The following RTN1 variants were observed in gnomAD, a reference collection of about 807,000 sequenced individuals.
RTN1 encodes reticulon-1.
Under a neutral mutation model 65.5 loss-of-function variants are expected in RTN1, and 25 were observed. The observed-to-expected ratio is 0.38, with a 90% CI of 0.28 to 0.53. The LOEUF is 0.53. Ranked by LOEUF, RTN1 falls within the 20% of genes least tolerant of loss-of-function variation. RTN1 has a pLI of 0.79. For missense variants in RTN1, 983 were observed against 1,025.4 expected (o/e 0.96, Z 0.57); for synonymous variants, 471 against 447.6 (o/e 1.05, Z -0.66).
At chr14:59,676,721 T>A (rs369783244) in intron 3 of RTN1, among the ~76,000 whole-genome samples, 38 of 152,188 alleles carry the variant, frequency 2.5e-4, no homozygotes, top group African/African-American at 8.7e-4. Context: ...TCTGGATCCA[T>A]CCCCAATCAA....
intron 3 of RTN1, among the ~76,000 whole-genome samples, chr14:59,677,447 C>T (rs1335113317): frequency 6.6e-6 from 1 of 152,062 alleles, no homozygotes; most frequent in Admixed American, 6.5e-5. Context: ...AAAGTAGGGA[C>T]ACGAGAAAGA....
intron 3 of RTN1, among the ~76,000 whole-genome samples, chr14:59,665,416 T>C (rs950718418): frequency 5.3e-5 from 8 of 152,110 alleles, no homozygotes; most frequent in African/African-American, 1.9e-4. Flanking sequence ...CCACCAGGCC[T>C]GCCTTACAAG....
At chr14:59,752,762 G>C (rs73313729) in intron 1 of RTN1, among the ~76,000 whole-genome samples, 12,602 of 152,104 alleles carry the variant, frequency 0.083, 1,661 homozygotes, top group African/African-American at 0.29. Flanking sequence ...ATCCATTAAC[G>C]AGTGGTCTTA....
At chr14:59,711,673 A>G (rs1884420872) in intron 3 of RTN1, among the ~76,000 whole-genome samples, 1 of 152,258 alleles carries the variant, frequency 6.6e-6, no homozygotes, top group Non-Finnish European at 1.5e-5. Flanking sequence ...GAGATACAGC[A>G]GTGAACAAAA....
chr14:59,598,879 C>G (rs1881489198), intron 8 of RTN1, among the ~76,000 whole-genome samples: 2 of 152,190 alleles, frequency 1.3e-5, no homozygotes, highest in African/African-American at 4.8e-5. Context: ...AAAGTTTGCT[C>G]TTCACTGCCC....
intron 3 of RTN1, among the ~76,000 whole-genome samples, chr14:59,703,236 G>T (rs1431180333): frequency 1.3e-5 from 2 of 152,000 alleles, no homozygotes; most frequent in Non-Finnish European, 2.9e-5. Flanking sequence ...TTGGGTATTT[G>T]TCACCTCCAA....
chr14:59,814,107 T>C lies in RTN1; in HGVS notation c.241+56283A>G, dbSNP rs150380031. On this transcript the variant is annotated intron_variant, in intron 1 of 8. Coordinates refer to ENST00000267484, the MANE Select transcript of RTN1 (RefSeq NM_021136.3). Reference sequence around the variant, plus strand: ...CAAAGCCTTATTTGACTTATAGATTTGCTCTCATGCACACAAAATGGTTGC... The same window carrying C: ...CAAAGCCTTATTTGACTTATAGATTCGCTCTCATGCACACAAAATGGTTGC... Among the ~76,000 whole-genome samples, 1,428 of 152,308 alleles carry C rather than the reference T, an allele frequency of 9.4e-3. 9 individuals are homozygous for C. The highest frequency in any genetic ancestry group is 0.015 in the Non-Finnish European group (994 of 68,022).
intron 2 of RTN1, among the ~76,000 whole-genome samples, chr14:59,745,099 T>G (rs1193388905): frequency 2.0e-5 from 3 of 152,120 alleles, no homozygotes; most frequent in Non-Finnish European, 4.4e-5. Context: ...ATATGAAGAA[T>G]AAGAGAGACT....
At chr14:59,638,442 A>C (rs1882711437) in intron 3 of RTN1, among the ~76,000 whole-genome samples, 1 of 152,226 alleles carries the variant, frequency 6.6e-6, no homozygotes, top group Non-Finnish European at 1.5e-5. Flanking sequence ...GAGCATAGAC[A>C]GAGTAGAGTA....
chr14:59,750,283 T>TATATATAATATCTATAATATATA lies in RTN1; in HGVS notation c.242-3825_242-3803dup, dbSNP rs1566713513. 1.6e-3 allele frequency among the ~76,000 whole-genome samples: 54 copies of TATATATAATATCTATAATATATA among 32,780 alleles called. 7 individuals carry two copies. The highest frequency in any genetic ancestry group is 8.1e-3 in the African/African-American group (50 of 6,198). The allele number at this position is 32,780 out of a possible 152,430, so 21.5% of individuals were successfully genotyped here. ...TATATATAATATCTATAATATATAA[T>TATATATAATATCTATAATATATA]ATATATAATATCTATAATATATAAT... On this transcript the variant is annotated intron_variant, in intron 1 of 8. Coordinates refer to ENST00000267484, the MANE Select transcript of RTN1 (RefSeq NM_021136.3).
chr14:59,740,575 A>G (rs75140014), intron 2 of RTN1, among the ~76,000 whole-genome samples: 1 of 152,166 alleles, frequency 6.6e-6, no homozygotes, highest in African/African-American at 2.4e-5. Flanking sequence ...TATTTACTCA[A>G]GAGTAAGGAT....
chr14:59,737,922 T>C, intron 2 of RTN1, among the ~76,000 whole-genome samples: 1 of 152,206 alleles, frequency 6.6e-6, no homozygotes, highest in Non-Finnish European at 1.5e-5. Flanking sequence ...AAGAATTCCC[T>C]ATGTAATAAA....
chr14:59,604,133 T>C, intron 5 of RTN1: 1 of 324,424 alleles, frequency 3.1e-6, no homozygotes, highest in Non-Finnish European at 5.9e-6. Context: ...TGTTATAAGG[T>C]TTGAGGGACT....
intron 3 of RTN1, among the ~76,000 whole-genome samples, chr14:59,650,878 C>A (rs1349545824): frequency 1.3e-5 from 2 of 152,244 alleles, no homozygotes; most frequent in East Asian, 3.9e-4. Context: ...ACATTTTTCA[C>A]CTAGGCAATA....
At chr14:59,680,847 T>C (rs1883731157) in intron 3 of RTN1, among the ~76,000 whole-genome samples, 1 of 152,180 alleles carries the variant, frequency 6.6e-6, no homozygotes, top group Non-Finnish European at 1.5e-5. Context: ...GGCATCTTTA[T>C]GCTGTCATGA....
chr14:59,661,826 T>G (rs987427381), intron 3 of RTN1, among the ~76,000 whole-genome samples: 3 of 152,198 alleles, frequency 2.0e-5, no homozygotes, highest in Admixed American at 6.5e-5. Flanking sequence ...AAGCATTCCC[T>G]TTGAAAACTG....
chr14:59,798,785 T>TGG (rs1156291805), intron 1 of RTN1, among the ~76,000 whole-genome samples: 1 of 140,846 alleles, frequency 7.1e-6, no homozygotes, highest in African/African-American at 2.7e-5. Context: ...GATTAGGACA[T>TGG]GGATATCATT....
chr14:59,707,245 T>C (rs544160870), intron 3 of RTN1, among the ~76,000 whole-genome samples: 3 of 152,382 alleles, frequency 2.0e-5, no homozygotes, highest in Admixed American at 1.3e-4. Flanking sequence ...GGTCTATCTT[T>C]AACAAGAGCC....
chr14:59,764,165 T>C (rs957514247), intron 1 of RTN1, among the ~76,000 whole-genome samples: 6 of 152,114 alleles, frequency 3.9e-5, no homozygotes, highest in Non-Finnish European at 5.9e-5. Context: ...GTGAGGGTTA[T>C]GGAGCCACTG....
Sources: allele counts gnomAD v4.1 joint callset (sites outside exome capture counted in the v4.1 genomes callset), GRCh38; gene constraint gnomAD v4.1.1; transcripts MANE v1.5; gene names NCBI Gene and HGNC (gene_info 2026-07-23, HGNC 2026-07-21).